Variants in OCA2 observed in about 807,000 individuals in gnomAD.
OCA2 encodes OCA2 melanosomal transmembrane protein, also known as P protein.
A neutral mutation model predicts 100.2 loss-of-function variants in OCA2; 77 were observed. The observed-to-expected ratio is 0.77, with a 90% CI of 0.64 to 0.93. The LOEUF (loss-of-function observed/expected upper bound fraction) is 0.93, where lower values mean the gene tolerates loss of function less well. Ranked by LOEUF, OCA2 falls within the 40% of genes least tolerant of loss-of-function variation. OCA2 has a pLI of 0.00. For synonymous variants in OCA2, 432 were observed against 439.2 expected, an observed-to-expected ratio of 0.98 and a Z score of 0.21; for missense variants, 1,062 against 1,089.1, an observed-to-expected ratio of 0.98 and a Z score of 0.35.
rs546793494 is a variant in OCA2 at position 28,012,177 on chromosome 15, T to C, written c.1044+2599A>G. Among the ~76,000 whole-genome samples, 51 of 152,192 alleles carry C rather than the reference T, an allele frequency of 3.4e-4. No homozygotes were observed. The South Asian group carries it at 0.01, about 31-fold the overall frequency. ...GATAGACAGGTGGCAAATAAATACA[T>C]GAAAAGATAATATCCAACATTATCA... On this transcript the variant is annotated intron_variant, in intron 9 of 23. Coordinates refer to ENST00000354638, the MANE Select transcript of OCA2 (RefSeq NM_000275.3).
At chr15:27,738,844 ATATT>A in the OCA2 span, among the ~76,000 whole-genome samples, 1 of 152,232 alleles carries the variant, frequency 6.6e-6, no homozygotes, top group Non-Finnish European at 1.5e-5. Context: ...CACTAGGGAA[ATATT>A]TATAATTTCC....
intron 9 of OCA2, among the ~76,000 whole-genome samples, chr15:28,002,601 C>T (rs887725745): frequency 1.3e-5 from 2 of 152,122 alleles, no homozygotes; most frequent in African/African-American, 2.4e-5. Flanking sequence ...GGCTGCCGAT[C>T]GGTCCAGGAG....
chr15:28,077,297 G>A (rs1353055323), intron 2 of OCA2, among the ~76,000 whole-genome samples: 1 of 152,140 alleles, frequency 6.6e-6, no homozygotes, highest in Non-Finnish European at 1.5e-5. Context: ...GACCTCAGGT[G>A]ATCCACCTGC....
chr15:27,977,273 CTTTTAG>C (rs1024770644), intron 14 of OCA2, among the ~76,000 whole-genome samples: 9 of 152,152 alleles, frequency 5.9e-5, no homozygotes, highest in African/African-American at 2.2e-4. Flanking sequence ...CTTCTGCTTA[CTTTTAG>C]TTTAATTTCT....
chr15:27,880,123 G>C (rs2036955786), intron 19 of OCA2, among the ~76,000 whole-genome samples: 1 of 152,146 alleles, frequency 6.6e-6, no homozygotes, highest in Non-Finnish European at 1.5e-5. Context: ...TATCCCCATT[G>C]CTTGTTTTTG....
chr15:27,919,572 A>G (rs1318115796), intron 19 of OCA2, among the ~76,000 whole-genome samples: 2 of 152,220 alleles, frequency 1.3e-5, no homozygotes, highest in Admixed American at 6.5e-5. Context: ...GGAAAATTCA[A>G]AACTATGGAG....
chr15:27,775,482 C>T (rs1044458449), intron 23 of OCA2: 1 of 152,526 alleles, frequency 6.6e-6, no homozygotes, highest in African/African-American at 2.4e-5. Context: ...CCTCGTACTC[C>T]GTACTGCATC....
At chr15:28,014,421 C>T (rs2042325046) in intron 9 of OCA2, among the ~76,000 whole-genome samples, 1 of 152,196 alleles carries the variant, frequency 6.6e-6, no homozygotes, top group African/African-American at 2.4e-5. Flanking sequence ...TGAGCACACC[C>T]ATCACACAGG....
At position 27,899,400 on chromosome 15, in the gene OCA2, T is replaced by C. The variant is rs765215359; in HGVS notation, c.2079+26727A>G. On this transcript the variant is annotated intron_variant, in intron 19 of 23. Coordinates refer to ENST00000354638, the MANE Select transcript of OCA2 (RefSeq NM_000275.3). ...GAGAAGGGGAAATTATTCTAACCAA[T>C]AGAGGTGGGCGCAATCCAATCACAA... 1.1e-4 allele frequency among the ~76,000 whole-genome samples: 16 copies of C among 152,296 alleles called. No individual in the cohort carries two copies. The East Asian group carries it at 2.7e-3, about 26-fold the overall frequency.
chr15:27,977,827 C>T (rs897185482), intron 14 of OCA2, among the ~76,000 whole-genome samples: 14 of 152,138 alleles, frequency 9.2e-5, no homozygotes, highest in Non-Finnish European at 1.9e-4. Context: ...CCTCTTCTCC[C>T]CGCCTCCCTG....
intron 18 of OCA2, among the ~76,000 whole-genome samples, chr15:27,939,343 C>T (rs2039565863): frequency 6.6e-6 from 1 of 152,192 alleles, no homozygotes; most frequent in African/African-American, 2.4e-5. Flanking sequence ...AAACAAGACT[C>T]TGCTAACATT....
At chr15:27,783,189 G>A (rs2032634369) in intron 23 of OCA2, among the ~76,000 whole-genome samples, 1 of 152,194 alleles carries the variant, frequency 6.6e-6, no homozygotes, top group African/African-American at 2.4e-5. Flanking sequence ...TGGGTGGGGG[G>A]ATTCTGGGGA....
chr15:27,880,891 T>C (rs1329365114), intron 19 of OCA2, among the ~76,000 whole-genome samples: 5 of 152,194 alleles, frequency 3.3e-5, no homozygotes, highest in Non-Finnish European at 1.5e-5. Context: ...TCCAATACTA[T>C]GTTGAATAGG....
At chr15:27,890,687 C>A (rs763550678) in intron 19 of OCA2, among the ~76,000 whole-genome samples, 55 of 152,166 alleles carry the variant, frequency 3.6e-4, no homozygotes, top group Non-Finnish European at 6.2e-4. Context: ...CAGACCTACC[C>A]TTAAAGATTG....
intron 2 of OCA2, among the ~76,000 whole-genome samples, chr15:28,077,662 T>C (rs997813666): frequency 6.6e-6 from 1 of 152,168 alleles, no homozygotes; most frequent in Non-Finnish European, 1.5e-5. Flanking sequence ...AGGACTACTA[T>C]TAAAGGAGGG....
intron 23 of OCA2, among the ~76,000 whole-genome samples, chr15:27,836,837 T>C (rs575288996): frequency 2.8e-4 from 43 of 152,364 alleles, no homozygotes; most frequent in African/African-American, 1.0e-3. Flanking sequence ...GTTTATTCTC[T>C]AGATATTTTT....
intron 19 of OCA2, chr15:27,896,300 T>C (rs549340777): frequency 1.3e-5 from 14 of 1,047,242 alleles, no homozygotes; most frequent in Non-Finnish European, 1.2e-5. Flanking sequence ...TGGGCCAGAA[T>C]GTTGCAGATT....
At chr15:27,989,745 G>T in intron 10 of OCA2, 79 bp from the exon 11 acceptor site, 1 of 1,296,406 alleles carries the variant, frequency 7.7e-7, no homozygotes, top group Non-Finnish European at 1.1e-6. Flanking sequence ...GCTGCCCCCT[G>T]CTGCAGACCC....
At chr15:28,012,107 A>G (rs1184060591) in intron 9 of OCA2, among the ~76,000 whole-genome samples, 2 of 152,246 alleles carry the variant, frequency 1.3e-5, no homozygotes, top group South Asian at 2.1e-4. Flanking sequence ...AAACAATTCA[A>G]TTAGAAAATA....
Sources: allele counts gnomAD v4.1 joint callset (sites outside exome capture counted in the v4.1 genomes callset), GRCh38; gene constraint gnomAD v4.1.1; transcripts MANE v1.5; gene names NCBI Gene and HGNC (gene_info 2026-07-23, HGNC 2026-07-21).